Variants in SCN10A observed in about 807,000 individuals in gnomAD.
SCN10A encodes sodium channel protein type 10 subunit alpha.
Under a neutral mutation model 170.7 loss-of-function variants are expected in SCN10A, and 162 were observed. The ratio of observed to expected loss-of-function variants is 0.95; its 90% CI spans 0.84 to 1.08. The LOEUF (loss-of-function observed/expected upper bound fraction) is 1.08. Among genes scored for constraint, SCN10A ranks in the 50% least tolerant of loss-of-function variants. SCN10A has a pLI of 0.00. For synonymous variants in SCN10A, 985 were observed against 904.6 expected, an observed-to-expected ratio of 1.09 and a Z score of -1.59; for missense variants, 2,527 against 2,436.9, an observed-to-expected ratio of 1.04 and a Z score of -0.78.
intron 21 of SCN10A, among the ~76,000 whole-genome samples, chr3:38,716,369 T>A (rs2063333958): frequency 6.6e-6 from 1 of 152,112 alleles, no homozygotes. Context: ...GCTGTTCTCA[T>A]GATAGTGAAT....
Position 38,763,576 on chromosome 3 carries a change from T to A in SCN10A, c.620A>T (p.Asp207Val), listed in dbSNP as rs964407975. The A allele has an allele frequency of 6.2e-7, 1 of 1,613,962 alleles. No homozygotes were observed. Among genetic ancestry groups the A allele is most frequent in the Admixed American group, 1.7e-5 (1 of 60,016 alleles). ...CCGCAGGCCTGAGATCCCACGGAGA[T>A]CTATTGCTGTGCCAACATATCTGTA... is the stretch of plus-strand genomic sequence containing the variant. ...ITLAYVGTAI[D>V]LRGISGLRTF... The change falls in exon 6 of 28, where the codon GAT becomes GTT. Residue 207 changes from aspartate (D) to valine (V), a missense_variant. Physicochemically the swap from Asp to Val is radical, Grantham distance 152. Transcript: ENST00000449082.
intron 13 of SCN10A, among the ~76,000 whole-genome samples, chr3:38,749,340 T>C (rs56206213): frequency 0.17 from 26,515 of 152,126 alleles, 3,417 homozygotes; most frequent in East Asian, 0.39. Context: ...CTGGAAATGA[T>C]GAAGGTTGCA....
At chr3:38,746,157 G>A (rs1354335671) in intron 13 of SCN10A, among the ~76,000 whole-genome samples, 3 of 138,054 alleles carry the variant, frequency 2.2e-5, no homozygotes, top group Non-Finnish European at 4.6e-5. Context: ...CTTCCTACTG[G>A]ACACCCCTAC....
At chr3:38,769,526 C>T (rs916547939) in intron 5 of SCN10A, among the ~76,000 whole-genome samples, 1 of 152,156 alleles carries the variant, frequency 6.6e-6, no homozygotes, top group African/African-American at 2.4e-5. Flanking sequence ...CAGGCGTGAG[C>T]TACTGTGCCC....
intron 16 of SCN10A, among the ~76,000 whole-genome samples, chr3:38,727,518 T>A (rs1180967187): frequency 6.6e-6 from 1 of 152,096 alleles, no homozygotes; most frequent in African/African-American, 2.4e-5. Flanking sequence ...AAACTTCCTG[T>A]CTGAGGGTGA....
intron 20 of SCN10A, among the ~76,000 whole-genome samples, chr3:38,719,885 G>A (rs1454870512): frequency 6.6e-6 from 1 of 152,242 alleles, no homozygotes; most frequent in Non-Finnish European, 1.5e-5. Context: ...TCTGCTGGGA[G>A]TGTCGGCTGC....
chr3:38,739,404 C>T (rs2063605026), intron 15 of SCN10A, 111 bp downstream of exon 15: 21 of 992,582 alleles, frequency 2.1e-5, no homozygotes, highest in Non-Finnish European at 2.9e-5. Flanking sequence ...CCTGCTCCCT[C>T]CCACAAGGAC....
chr3:38,729,374 T>A (rs2063492318), intron 15 of SCN10A, among the ~76,000 whole-genome samples: 1 of 152,216 alleles, frequency 6.6e-6, no homozygotes, highest in Admixed American at 6.5e-5. Flanking sequence ...ATTTCTCATC[T>A]TGGGGCAGTG....
At chr3:38,749,046 ACTG>A (rs1339248711) in intron 13 of SCN10A, among the ~76,000 whole-genome samples, 1 of 152,200 alleles carries the variant, frequency 6.6e-6, no homozygotes, top group African/African-American at 2.4e-5. Flanking sequence ...CTGGTAAATT[ACTG>A]GCTAGTTCTA....
At chr3:38,727,180 G>C (rs2063467437) in intron 16 of SCN10A, 128 bp from the exon 17 acceptor site, 1 of 808,498 alleles carries the variant, frequency 1.2e-6, no homozygotes, top group Admixed American at 2.6e-5. Context: ...CCGGGATGCT[G>C]TCCCTTTTGG....
At chr3:38,715,030 T>A (rs2063320421) in intron 21 of SCN10A, among the ~76,000 whole-genome samples, 1 of 152,142 alleles carries the variant, frequency 6.6e-6, no homozygotes, top group South Asian at 2.1e-4. Context: ...CCCCAAGCAA[T>A]GTCCATTCTT....
intron 5 of SCN10A, 27 bp downstream of exon 5, chr3:38,771,252 T>A (rs762644135): frequency 1.2e-6 from 2 of 1,611,748 alleles, no homozygotes; most frequent in Non-Finnish European, 1.7e-6. Flanking sequence ...CTATCACACA[T>A]GCAGATCTGC....
chr3:38,767,518 T>C (rs1300605647), intron 5 of SCN10A, among the ~76,000 whole-genome samples: 1 of 151,996 alleles, frequency 6.6e-6, no homozygotes, highest in African/African-American at 2.4e-5. Context: ...CAAGAGCAGA[T>C]TGTTTAGTTT....
At chr3:38,785,270 G>C (rs1236813472) in intron 4 of SCN10A, among the ~76,000 whole-genome samples, 1 of 152,142 alleles carries the variant, frequency 6.6e-6, no homozygotes, top group Non-Finnish European at 1.5e-5. Context: ...CGAGGTACTG[G>C]TACCAAAACA....
At position 38,728,632 on chromosome 3, in the gene SCN10A, C is replaced by A. The variant is rs745343181; in HGVS notation, c.2550G>T (p.Trp850Cys). The change falls in exon 16 of 28, where the codon TGG becomes TGT. Residue 850 changes from tryptophan to cysteine, a missense_variant. Transcript: ENST00000449082. Reference protein sequence around the residue: ...LIVFRILCGEWIENMWACMEV... With the variant: ...LIVFRILCGECIENMWACMEV... ...CCATGCAGGCCCACATGTTCTCAATCCACTCTCCACAGAGGATACGGAAGA... is the reference window on the plus strand; with the variant it reads ...CCATGCAGGCCCACATGTTCTCAATACACTCTCCACAGAGGATACGGAAGA... 1 of 1,613,980 alleles carries A rather than the reference C, an allele frequency of 6.2e-7. No homozygotes were observed. Among genetic ancestry groups the A allele is most frequent in the Admixed American group, 1.7e-5 (1 of 60,026 alleles).
chr3:38,781,135 A>G (rs999728012), intron 4 of SCN10A, among the ~76,000 whole-genome samples: 2 of 152,152 alleles, frequency 1.3e-5, no homozygotes, highest in African/African-American at 4.8e-5. Context: ...TGCAACAAAA[A>G]TGAACTATTT....
intron 19 of SCN10A, among the ~76,000 whole-genome samples, chr3:38,722,926 G>A (rs751028661): frequency 3.8e-4 from 58 of 152,168 alleles, no homozygotes; most frequent in African/African-American, 1.4e-3. Flanking sequence ...TTATAGAATG[G>A]ACTCTTGATT....
chr3:38,731,597 A>G (rs2063513665), intron 15 of SCN10A, among the ~76,000 whole-genome samples: 1 of 152,048 alleles, frequency 6.6e-6, no homozygotes, highest in Non-Finnish European at 1.5e-5. Flanking sequence ...AGACACTGAA[A>G]CTCCCTCCCC....
chr3:38,716,876 T>C (rs1417792855), intron 21 of SCN10A, among the ~76,000 whole-genome samples: 1 of 151,918 alleles, frequency 6.6e-6, no homozygotes, highest in South Asian at 2.1e-4. Context: ...GTTGATAGGA[T>C]GGATGAATGG....
Sources: gnomAD v4.1 joint callset for allele counts (sites outside exome capture counted in the v4.1 genomes callset) on GRCh38, gnomAD v4.1.1 for gene constraint, MANE v1.5 for transcripts, NCBI Gene and HGNC (gene_info 2026-07-23, HGNC 2026-07-21) for gene names.